Variants in STXBP4 observed in about 807,000 individuals in gnomAD.
STXBP4 encodes syntaxin binding protein 4.
STXBP4 carries 55 observed loss-of-function variants against 76.1 expected under a neutral mutation model. The observed-to-expected ratio is 0.72, with a 90% CI of 0.58 to 0.91. The LOEUF (loss-of-function observed/expected upper bound fraction) is 0.91, where lower values mean the gene tolerates loss of function less well. Among genes scored for constraint, STXBP4 ranks in the 40% least tolerant of loss-of-function variants. The pLI, the probability that STXBP4 is intolerant of heterozygous loss-of-function variation, is 0.00. For synonymous variants in STXBP4, 201 were observed against 220.2 expected (o/e 0.91, Z 0.77); for missense variants, 618 against 636.9 (o/e 0.97, Z 0.32).
intron 16 of STXBP4, among the ~76,000 whole-genome samples, chr17:55,119,739 A>G (rs747981679): frequency 6.6e-6 from 1 of 151,822 alleles, no homozygotes. Context: ...TCTAATACAG[A>G]TAAACTTTAA....
chr17:55,158,367 A>G (rs115080314), intron 17 of STXBP4, among the ~76,000 whole-genome samples: 6,152 of 152,296 alleles, frequency 0.04, 374 homozygotes, highest in African/African-American at 0.13. Context: ...CACTTGATCT[A>G]AGACATGATG....
intron 12 of STXBP4, among the ~76,000 whole-genome samples, chr17:55,065,747 A>C (rs2079043986): frequency 6.6e-6 from 1 of 152,184 alleles, no homozygotes; most frequent in African/African-American, 2.4e-5. Flanking sequence ...AAAATTTATC[A>C]ATTAGATGTA....
intron 10 of STXBP4, among the ~76,000 whole-genome samples, chr17:55,034,482 C>T (rs1294311603): frequency 1.3e-5 from 2 of 152,100 alleles, no homozygotes; most frequent in South Asian, 2.1e-4. Flanking sequence ...CTAAGTTTAC[C>T]AGTATTGACA....
In STXBP4 at chr17:55,051,824, C is replaced by T. The variant is rs145019928; in HGVS notation, c.1011+4670C>T. Among the ~76,000 whole-genome samples, 536 of 152,146 alleles carry T rather than the reference C, an allele frequency of 3.5e-3. 1 individual carries two copies. The highest frequency in any genetic ancestry group is 6.3e-3 in the Non-Finnish European group (430 of 68,000). Reference sequence around the variant, plus strand: ...TGAATTGGATGTATCATTGTGAATACATCATTTCTTTTATATATATGTGCA... The same window carrying T: ...TGAATTGGATGTATCATTGTGAATATATCATTTCTTTTATATATATGTGCA... On this transcript the variant is annotated intron_variant, in intron 12 of 17. Coordinates refer to ENST00000376352, the MANE Select transcript of STXBP4 (RefSeq NM_178509.6).
At chr17:55,212,678 G>A in the STXBP4 span, among the ~76,000 whole-genome samples, 3 of 152,048 alleles carry the variant, frequency 2.0e-5, no homozygotes, top group South Asian at 2.1e-4. Flanking sequence ...TGTTAAAATG[G>A]CTGAAAACCT....
intron 8 of STXBP4, among the ~76,000 whole-genome samples, chr17:55,023,235 TA>T (rs1196681959): frequency 2.6e-5 from 4 of 152,184 alleles, no homozygotes; most frequent in African/African-American, 9.7e-5. Flanking sequence ...CAACATTGTA[TA>T]ATCCAGGAAA....
intron 1 of STXBP4, among the ~76,000 whole-genome samples, chr17:54,976,272 C>G (rs2077472712): frequency 6.6e-6 from 1 of 152,178 alleles, no homozygotes; most frequent in South Asian, 2.1e-4. Flanking sequence ...TCTGATGTTT[C>G]CCACTGAGTT....
rs1207848150 is a variant in STXBP4 at position 55,170,885 on chromosome 17, G to A, written c.*10974G>A. On this transcript the variant is annotated 3_prime_UTR_variant, in exon 18 of 18. Coordinates refer to ENST00000376352, the MANE Select transcript of STXBP4 (RefSeq NM_178509.6). ...TAGAAATGCTAGAGTTGTCACAGAT[G>A]TGATATTTATGTTTTCATTGTCTGG... 6.6e-6 allele frequency: 1 copy of A among 152,222 alleles called. No individual in the cohort carries two copies. The highest frequency in any genetic ancestry group is 1.5e-5 in the Non-Finnish European group (1 of 68,040). 9.4% of individuals were successfully genotyped at this position (152,222 alleles called of 1,614,324 possible).
chr17:55,002,994 C>T (rs2077944826), intron 7 of STXBP4, among the ~76,000 whole-genome samples: 1 of 152,056 alleles, frequency 6.6e-6, no homozygotes, highest in African/African-American at 2.4e-5. Flanking sequence ...TTTATGTCCT[C>T]CCCTTGACCC....
At chr17:55,015,137 A>G (rs1193882288) in intron 8 of STXBP4, among the ~76,000 whole-genome samples, 1 of 152,176 alleles carries the variant, frequency 6.6e-6, no homozygotes, top group African/African-American at 2.4e-5. Context: ...TGCTTTCTCA[A>G]TGCCTCCCTT....
chr17:55,087,081 G>C (rs1481534719), intron 16 of STXBP4, among the ~76,000 whole-genome samples: 1 of 152,056 alleles, frequency 6.6e-6, no homozygotes. Context: ...TGTCTGTTCA[G>C]ATCATTTGCT....
chr17:55,198,175 C>T, the STXBP4 span, among the ~76,000 whole-genome samples: 8 of 152,222 alleles, frequency 5.3e-5, no homozygotes, highest in Non-Finnish European at 1.0e-4. Flanking sequence ...AGTTACACTC[C>T]TATGCAAACA....
chr17:55,067,965 C>G (rs529507107), intron 12 of STXBP4, among the ~76,000 whole-genome samples: 2 of 152,114 alleles, frequency 1.3e-5, no homozygotes, highest in East Asian at 3.9e-4. Context: ...AAAAGTTCTA[C>G]GAATCATATT....
At chr17:55,077,978 T>C in intron 13 of STXBP4, 100 bp from the exon 14 acceptor site, 1 of 703,402 alleles carries the variant, frequency 1.4e-6, no homozygotes, top group Non-Finnish European at 2.4e-6. Context: ...AAAAAGATAA[T>C]TTGGTAATAT....
In STXBP4 at chr17:55,092,137, A is replaced by G. The variant is rs1037660475; in HGVS notation, c.1489+10954A>G. On this transcript the variant is annotated intron_variant, in intron 16 of 17. Coordinates refer to ENST00000376352, the MANE Select transcript of STXBP4 (RefSeq NM_178509.6). ...GGACGCAAAGACTAAGAATGACACAATGGACTCTGGGGACTTAGTAGGAAG... is the reference window on the plus strand; with the variant it reads ...GGACGCAAAGACTAAGAATGACACAGTGGACTCTGGGGACTTAGTAGGAAG... Among the ~76,000 whole-genome samples the G allele has an allele frequency of 7.9e-5, 12 of 152,234 alleles. 1 individual carries two copies. Among genetic ancestry groups the G allele is most frequent in the African/African-American group, 1.9e-4 (8 of 41,550 alleles).
intron 8 of STXBP4, among the ~76,000 whole-genome samples, chr17:55,027,165 G>C (rs985104262): frequency 6.6e-6 from 1 of 152,140 alleles, no homozygotes; most frequent in African/African-American, 2.4e-5. Context: ...ACTGCCCGTG[G>C]CCAGAGAACC....
At chr17:55,070,149 A>T (rs1202318118) in intron 12 of STXBP4, among the ~76,000 whole-genome samples, 1 of 152,178 alleles carries the variant, frequency 6.6e-6, no homozygotes, top group African/African-American at 2.4e-5. Context: ...AGACTGCCAA[A>T]TCTTAGCTCT....
chr17:54,974,099 G>A (rs2077436438), intron 1 of STXBP4, among the ~76,000 whole-genome samples: 1 of 152,158 alleles, frequency 6.6e-6, no homozygotes, highest in Non-Finnish European at 1.5e-5. Context: ...TGGGACTTCA[G>A]TCTTAATATG....
intron 16 of STXBP4, among the ~76,000 whole-genome samples, chr17:55,120,332 C>T (rs1250413967): frequency 1.3e-5 from 2 of 152,178 alleles, no homozygotes; most frequent in African/African-American, 4.8e-5. Flanking sequence ...GCCCACATCA[C>T]GTTCACACAA....
Sources: allele counts gnomAD v4.1 joint callset (sites outside exome capture counted in the v4.1 genomes callset), GRCh38; gene constraint gnomAD v4.1.1; transcripts MANE v1.5; gene names NCBI Gene and HGNC (gene_info 2026-07-23, HGNC 2026-07-21).